RXRA: variants seen among roughly 807,000 people sequenced by gnomAD.
RXRA encodes the protein retinoid X receptor alpha, also known as retinoic acid receptor RXR-alpha.
RXRA carries 5 observed loss-of-function variants against 44.5 expected under a neutral mutation model. The ratio of observed to expected loss-of-function variants is 0.11; its 90% CI spans 0.06 to 0.24. RXRA has a LOEUF of 0.24. Among genes scored for constraint, RXRA ranks in the 10% least tolerant of loss-of-function variants. The pLI, the probability that RXRA is intolerant of heterozygous loss-of-function variation, is 1.00. For synonymous variants in RXRA, 291 were observed against 271.4 expected (o/e 1.07, Z -0.71); for missense variants, 412 against 646.5 (o/e 0.64, Z 3.93).
At chr9:134,436,058 C>T (rs139544883) in intron 9 of RXRA, among the ~76,000 whole-genome samples, 79 of 152,326 alleles carry the variant, frequency 5.2e-4, no homozygotes, top group African/African-American at 1.9e-3. Context: ...GTTGCCCAGG[C>T]TGGTCTCGAA....
Position 134,426,194 on chromosome 9 carries a change from C to T in RXRA, c.911-2914C>T, listed in dbSNP as rs1831431912. The T allele has an allele frequency of 1.0e-6, 1 of 985,306 alleles. No individual in the cohort carries two copies. Among genetic ancestry groups the T allele is most frequent in the South Asian group, 4.7e-5 (1 of 21,290 alleles). The allele number at this position is 985,306 out of a possible 1,614,324, so 61.0% of individuals were successfully genotyped here. A position where few individuals can be genotyped will look rare whatever the true frequency, so the allele number is the denominator to read the frequency against. On this transcript the variant is annotated intron_variant, in intron 6 of 9. Transcript: ENST00000481739. The surrounding 1 kb of genome is among the most constrained non-coding windows in gnomAD (Gnocchi z 4.6). ...TGGAGCCTGGAGTAAGACCTGGTATCCTCTGCATCACTGAGGTCCTCCTTC... is the reference window on the plus strand; with the variant it reads ...TGGAGCCTGGAGTAAGACCTGGTATTCTCTGCATCACTGAGGTCCTCCTTC...
chr9:134,417,123 G>A lies in RXRA; in HGVS notation c.611-35G>A. 1 of 1,589,630 alleles carries A rather than the reference G, an allele frequency of 6.3e-7. No individual in the cohort carries two copies. The highest frequency in any genetic ancestry group is 8.6e-7 in the Non-Finnish European group (1 of 1,169,210). ...TTCCCTGGGAGCCACTGGCCGGGCT[G>A]AGCGTGGGGCTCACCTGCGCCTCCC... On this transcript the variant is annotated intron_variant, in intron 4 of 9. Transcript: ENST00000481739. This position sits in a 1 kb window ranked among gnomAD's most constrained non-coding sequence, Gnocchi z 6.1.
intron 4 of RXRA, among the ~76,000 whole-genome samples, chr9:134,414,530 C>T (rs913220362): frequency 7.9e-5 from 12 of 152,264 alleles, no homozygotes; most frequent in Non-Finnish European, 1.8e-4. Context: ...TTGGCCGGGG[C>T]CACACGGCTG....
At chr9:134,410,292 T>C (rs981201753) in intron 4 of RXRA, among the ~76,000 whole-genome samples, 6 of 152,176 alleles carry the variant, frequency 3.9e-5, no homozygotes, top group African/African-American at 7.2e-5. Flanking sequence ...GCCTTTCTGA[T>C]GGGGATTCGT....
intron 1 of RXRA, among the ~76,000 whole-genome samples, chr9:134,346,100 A>G (rs1272164228): frequency 1.3e-5 from 2 of 151,938 alleles, no homozygotes; most frequent in Non-Finnish European, 2.9e-5. Context: ...GTGGTGTGGT[A>G]TTGGGGGGCC....
At chr9:134,409,512 T>C (rs1355995520) in intron 4 of RXRA, among the ~76,000 whole-genome samples, 2 of 152,222 alleles carry the variant, frequency 1.3e-5, no homozygotes, top group Non-Finnish European at 2.9e-5. Flanking sequence ...GCCCCCAGGC[T>C]CTTGGAGCAG....
chr9:134,422,610 G>A (rs139318474), intron 6 of RXRA: 24 of 822,474 alleles, frequency 2.9e-5, no homozygotes, highest in East Asian at 1.8e-4. Context: ...CTCCCAGGAC[G>A]CTCCCCACTC....
At chr9:134,391,206 G>A (rs1260333853) in intron 1 of RXRA, among the ~76,000 whole-genome samples, 1 of 152,136 alleles carries the variant, frequency 6.6e-6, no homozygotes, top group Non-Finnish European at 1.5e-5. Flanking sequence ...CAGAGTCCCC[G>A]ACTGAACCAT....
At chr9:134,382,645 A>G (rs1426368776) in intron 1 of RXRA, among the ~76,000 whole-genome samples, 1 of 152,028 alleles carries the variant, frequency 6.6e-6, no homozygotes, top group Non-Finnish European at 1.5e-5. Flanking sequence ...TTGGGTTACG[A>G]ATCAGCCCCT....
chr9:134,333,791 G>A (rs1317729247), intron 1 of RXRA, among the ~76,000 whole-genome samples: 2 of 152,164 alleles, frequency 1.3e-5, no homozygotes, highest in Admixed American at 1.3e-4. Flanking sequence ...GGCTGGAGTC[G>A]CTGGGGTGGG....
Position 134,434,108 on chromosome 9 carries a change from A to G in RXRA, c.1142A>G (p.Lys381Arg), listed in dbSNP as rs1345500460. Reference sequence around the variant, plus strand: ...TGTGGCTTCTTCCTTTCAGACTCCAAGGGGCTCTCGAACCCGGCCGAGGTG... The same window carrying G: ...TGTGGCTTCTTCCTTTCAGACTCCAGGGGGCTCTCGAACCCGGCCGAGGTG... ...RAIVLFNPDS[K>R]GLSNPAEVEA... Residue 381 changes from lysine to arginine, a missense_variant, in exon 9 of 10, where the codon AAG (lysine) becomes AGG (arginine). By Grantham distance (26) the Lys-to-Arg change is conservative. Coordinates refer to ENST00000481739, the MANE Select transcript of RXRA (RefSeq NM_002957.6). 1.2e-6 allele frequency: 2 copies of G among 1,613,174 alleles called. No homozygotes were observed. The highest frequency in any genetic ancestry group is 2.2e-5 in the East Asian group (1 of 44,872).
chr9:134,424,840 G>A, intron 6 of RXRA: 1 of 985,488 alleles, frequency 1.0e-6, no homozygotes, highest in Non-Finnish European at 1.2e-6. Context: ...TGGGGACCAG[G>A]GGTGATCCTG....
In RXRA at chr9:134,343,571, T is replaced by A. The variant is rs1830113242; in HGVS notation, c.28+16912T>A. Among the ~76,000 whole-genome samples, 1 of 152,030 alleles carries A rather than the reference T, an allele frequency of 6.6e-6. No individual in the cohort carries two copies. Among genetic ancestry groups the A allele is most frequent in the African/African-American group, 2.4e-5 (1 of 41,384 alleles). On this transcript the variant is annotated intron_variant, in intron 1 of 9. Transcript: ENST00000481739. This position sits in a 1 kb window ranked among gnomAD's most constrained non-coding sequence, Gnocchi z 4.1. The stretch of plus-strand genomic sequence containing the variant: ...CTGGAACCATCCTAGGACCTAGAAA[T>A]TGCTCGGGGCCAGGAAGCGAGACCA...
intron 6 of RXRA, chr9:134,427,105 AG>A: frequency 3.1e-6 from 3 of 983,422 alleles, no homozygotes; most frequent in Non-Finnish European, 3.6e-6. Flanking sequence ...TGTCAGATTG[AG>A]GGGGCCTCTT....
intron 1 of RXRA, among the ~76,000 whole-genome samples, chr9:134,351,357 G>A (rs1466224483): frequency 6.6e-6 from 1 of 152,214 alleles, no homozygotes; most frequent in South Asian, 2.1e-4. Flanking sequence ...AGAGGGGAGG[G>A]CAAAGTGGTG....
chr9:134,384,191 G>T (rs67855714), intron 1 of RXRA, among the ~76,000 whole-genome samples: 15 of 151,460 alleles, frequency 9.9e-5, no homozygotes, highest in African/African-American at 2.9e-4. Context: ...ACCCCGGTTG[G>T]GGGGGAGTCC....
At chr9:134,383,756 C>T (rs981146784) in intron 1 of RXRA, among the ~76,000 whole-genome samples, 7 of 152,074 alleles carry the variant, frequency 4.6e-5, no homozygotes, top group African/African-American at 1.2e-4. Context: ...TGCATGAGGA[C>T]GGGTAGGTGG....
chr9:134,403,147 T>A (rs1206918075), intron 2 of RXRA: 1 of 152,408 alleles, frequency 6.6e-6, no homozygotes, highest in African/African-American at 2.4e-5. Context: ...TGGGCTGTAG[T>A]TGGGGTCTGG....
chr9:134,328,584 C>G (rs1258345049), intron 1 of RXRA, among the ~76,000 whole-genome samples: 1 of 152,196 alleles, frequency 6.6e-6, no homozygotes, highest in East Asian at 1.9e-4. Flanking sequence ...GCTCTGATTA[C>G]ATTTTATTTT....
Sources: allele counts gnomAD v4.1 joint callset (sites outside exome capture counted in the v4.1 genomes callset), GRCh38; gene constraint gnomAD v4.1.1; non-coding constraint Gnocchi (gnomAD v3.1); transcripts MANE v1.5; gene names NCBI Gene and HGNC (gene_info 2026-07-23, HGNC 2026-07-21).